Variants in ARHGAP15 observed in about 807,000 individuals in gnomAD.
The protein encoded by ARHGAP15 is rho GTPase-activating protein 15.
In ARHGAP15, 51 loss-of-function variants were observed where a neutral mutation model predicts 63.7. The observed-to-expected ratio is 0.80, with a 90% CI of 0.64 to 1.01. ARHGAP15 has a LOEUF of 1.01. Ranked by LOEUF, ARHGAP15 falls within the 50% of genes least tolerant of loss-of-function variation. The pLI is 0.00. For synonymous variants in ARHGAP15, 191 were observed against 193.8 expected, an observed-to-expected ratio of 0.99 and a Z score of 0.12; for missense variants, 560 against 564.6, an observed-to-expected ratio of 0.99 and a Z score of 0.08.
intron 12 of ARHGAP15, among the ~76,000 whole-genome samples, chr2:143,679,517 C>A (rs1005542457): frequency 7.2e-5 from 11 of 152,072 alleles, no homozygotes; most frequent in African/African-American, 2.7e-4. Context: ...TTTCCTTTTT[C>A]TTCTCTATCT....
At chr2:143,445,610 T>C (rs1690099428) in intron 8 of ARHGAP15, among the ~76,000 whole-genome samples, 1 of 152,124 alleles carries the variant, frequency 6.6e-6, no homozygotes, top group African/African-American at 2.4e-5. Context: ...TCCAGGTAAA[T>C]AGTCCCTATA....
intron 12 of ARHGAP15, among the ~76,000 whole-genome samples, chr2:143,672,611 G>A (rs952907925): frequency 6.6e-6 from 1 of 152,176 alleles, no homozygotes; most frequent in Non-Finnish European, 1.5e-5. Flanking sequence ...CAGGTCCACT[G>A]ATACATGTAA....
intron 13 of ARHGAP15, among the ~76,000 whole-genome samples, chr2:143,740,096 A>G (rs941639831): frequency 1.1e-4 from 17 of 152,128 alleles, no homozygotes; most frequent in African/African-American, 4.1e-4. Flanking sequence ...AAAATGGTCC[A>G]TCAAAATGTT....
At chr2:143,498,161 TC>T (rs775486080) in intron 9 of ARHGAP15, among the ~76,000 whole-genome samples, 3 of 152,120 alleles carry the variant, frequency 2.0e-5, no homozygotes, top group Non-Finnish European at 4.4e-5. Context: ...TTTCTAAGAT[TC>T]AAAAAAAACT....
chr2:143,208,053 G>C (rs1414447460), intron 3 of ARHGAP15, among the ~76,000 whole-genome samples: 1 of 152,082 alleles, frequency 6.6e-6, no homozygotes, highest in Non-Finnish European at 1.5e-5. Context: ...GTACCTACCA[G>C]GATGAGCTAT....
intron 11 of ARHGAP15, among the ~76,000 whole-genome samples, chr2:143,618,602 T>C (rs926367239): frequency 6.6e-6 from 1 of 152,230 alleles, no homozygotes; most frequent in African/African-American, 2.4e-5. Context: ...AAAAGTGCTA[T>C]GAAAACTATT....
At chr2:143,510,456 T>G (rs1016023683) in intron 9 of ARHGAP15, among the ~76,000 whole-genome samples, 1 of 152,314 alleles carries the variant, frequency 6.6e-6, no homozygotes, top group Admixed American at 6.5e-5. Context: ...GGCCATGAAA[T>G]GAGCACCCTG....
chr2:143,424,311 C>T (rs1458843791), intron 6 of ARHGAP15, among the ~76,000 whole-genome samples: 1 of 151,968 alleles, frequency 6.6e-6, no homozygotes, highest in African/African-American at 2.4e-5. Context: ...GGAGGTCAGA[C>T]CAGAAGTCAC....
At chr2:143,157,236 C>G (rs549024720) in intron 2 of ARHGAP15, among the ~76,000 whole-genome samples, 1 of 151,998 alleles carries the variant, frequency 6.6e-6, no homozygotes, top group Admixed American at 6.6e-5. Flanking sequence ...GCACTATTAC[C>G]TTGACTGATG....
chr2:143,155,701 T>G (rs760726159), intron 2 of ARHGAP15, 46 bp downstream of exon 2: 1 of 1,495,682 alleles, frequency 6.7e-7, no homozygotes, highest in Admixed American at 2.5e-5. Context: ...TCATACAGAA[T>G]TTTGTAAAAG....
intron 2 of ARHGAP15, among the ~76,000 whole-genome samples, chr2:143,167,856 C>T (rs1214336478): frequency 6.6e-6 from 1 of 152,048 alleles, no homozygotes; most frequent in African/African-American, 2.4e-5. Context: ...AATTTGAAAG[C>T]CTTTCATTAG....
chr2:143,338,030 C>A (rs1343383124), intron 6 of ARHGAP15, among the ~76,000 whole-genome samples: 1 of 152,150 alleles, frequency 6.6e-6, no homozygotes, highest in East Asian at 1.9e-4. Flanking sequence ...CAATAATAAA[C>A]ACTTACTGAG....
chr2:143,652,031 A>G (rs1366211165), intron 12 of ARHGAP15, among the ~76,000 whole-genome samples: 1 of 151,974 alleles, frequency 6.6e-6, no homozygotes, highest in Non-Finnish European at 1.5e-5. Context: ...ATGTAAGTAG[A>G]GGTTTATTTT....
At chr2:143,469,584 A>C (rs1691415613) in intron 8 of ARHGAP15, among the ~76,000 whole-genome samples, 1 of 152,094 alleles carries the variant, frequency 6.6e-6, no homozygotes, top group Non-Finnish European at 1.5e-5. Context: ...TACACCATCC[A>C]ATAAGAATGT....
intron 8 of ARHGAP15, among the ~76,000 whole-genome samples, chr2:143,446,899 A>G (rs982265083): frequency 2.6e-5 from 4 of 151,684 alleles, no homozygotes; most frequent in South Asian, 2.1e-4. Flanking sequence ...TGTTCTTGCA[A>G]TAGTTTGCTG....
At chr2:143,504,497 TTTGAG>T (rs1693213601) in intron 9 of ARHGAP15, among the ~76,000 whole-genome samples, 1 of 152,212 alleles carries the variant, frequency 6.6e-6, no homozygotes, top group Admixed American at 6.5e-5. Context: ...TGTTATCTAC[TTTGAG>T]TTAATTCCTA....
At chr2:143,688,140 T>C (rs1683432776) in intron 12 of ARHGAP15, among the ~76,000 whole-genome samples, 1 of 152,160 alleles carries the variant, frequency 6.6e-6, no homozygotes, top group South Asian at 2.1e-4. Context: ...CATAGGAAAA[T>C]TCATATGTAA....
chr2:143,378,862 GTAGATAAA>G (rs1238192336), intron 6 of ARHGAP15, among the ~76,000 whole-genome samples: 3 of 152,054 alleles, frequency 2.0e-5, no homozygotes, highest in Non-Finnish European at 4.4e-5. Context: ...AAAAAGTGCA[GTAGATAAA>G]TATTACAGTT....
chr2:143,685,420 A>C (rs1200087308), intron 12 of ARHGAP15, among the ~76,000 whole-genome samples: 1 of 152,184 alleles, frequency 6.6e-6, no homozygotes, highest in Non-Finnish European at 1.5e-5. Context: ...AGGAAAGCCA[A>C]ATAATGAAAA....
Sources: gnomAD v4.1 joint callset for allele counts (sites outside exome capture counted in the v4.1 genomes callset) on GRCh38, gnomAD v4.1.1 for gene constraint, MANE v1.5 for transcripts, NCBI Gene and HGNC (gene_info 2026-07-23, HGNC 2026-07-21) for gene names.